The following DPF3 variants were observed in gnomAD, a reference collection of about 807,000 sequenced individuals.
DPF3 encodes the protein zinc finger protein DPF3.
A neutral mutation model predicts 56.8 loss-of-function variants in DPF3; 18 were observed. The observed-to-expected ratio is 0.32, with a 90% confidence interval of 0.22 to 0.47. The LOEUF (loss-of-function observed/expected upper bound fraction) is 0.47, where lower values mean the gene tolerates loss of function less well. Among genes scored for constraint, DPF3 ranks in the 20% least tolerant of loss-of-function variants. The probability of loss-of-function intolerance (pLI) is 1.00; values close to 1 mark genes in which losing one functional copy is unlikely to be tolerated. For missense variants in DPF3, 403 were observed against 488.8 expected (o/e 0.82, Z 1.65); for synonymous variants, 188 against 180.2 (o/e 1.04, Z -0.35).
intron 1 of DPF3, among the ~76,000 whole-genome samples, chr14:72,838,167 C>T (rs1393787764): frequency 1.3e-5 from 2 of 152,174 alleles, no homozygotes; most frequent in Admixed American, 6.5e-5. Flanking sequence ...ACAAAATGGG[C>T]CTGCTCCTGG....
chr14:72,831,363 C>A (rs1167973868), intron 1 of DPF3, among the ~76,000 whole-genome samples: 17 of 151,732 alleles, frequency 1.1e-4, no homozygotes, highest in Admixed American at 3.9e-4. Flanking sequence ...AAAAAAAAAA[C>A]AAAAAACACA....
intron 4 of DPF3, among the ~76,000 whole-genome samples, chr14:72,729,381 G>A (rs1889540761): frequency 6.6e-6 from 1 of 152,190 alleles, no homozygotes; most frequent in African/African-American, 2.4e-5. Context: ...GGCATGTTCT[G>A]GGAGGAACAG....
intron 8 of DPF3, among the ~76,000 whole-genome samples, chr14:72,649,847 C>A (rs902422794): frequency 2.2e-4 from 33 of 152,164 alleles, no homozygotes; most frequent in Non-Finnish European, 7.4e-5. Context: ...TCAAGACAAC[C>A]CAGCCAACTG....
At chr14:72,795,291 A>ATATATATATAT (rs1158510213) in intron 1 of DPF3, among the ~76,000 whole-genome samples, 20 of 122,406 alleles carry the variant, frequency 1.6e-4, no homozygotes, top group Non-Finnish European at 2.9e-4. Context: ...AAAAAAAAAA[A>ATATATATATAT]AAAAATATAT....
At chr14:72,633,543 C>A (rs1481859409) in intron 8 of DPF3, among the ~76,000 whole-genome samples, 1 of 151,974 alleles carries the variant, frequency 6.6e-6, no homozygotes, top group Admixed American at 6.6e-5. Flanking sequence ...GTCACAGTAA[C>A]CAAAAGAAGA....
rs1886792143 is a variant in DPF3, at chr14:72,892,482, T to C, written c.32+1575A>G. ...AACGGCAGCTTTCATATAAATATATTTGAAACCTGGGGCCTTCCTACCCCT... is the reference window on the plus strand; with the variant it reads ...AACGGCAGCTTTCATATAAATATATCTGAAACCTGGGGCCTTCCTACCCCT... On this transcript the variant is annotated intron_variant, in intron 1 of 10. Coordinates refer to ENST00000556509, the MANE Select transcript of DPF3 (RefSeq NM_001280542.3). 2.1e-6 allele frequency: 3 copies of C among 1,425,776 alleles called. No homozygotes were observed. The African/African-American group carries it at 4.3e-5, about 21-fold the overall frequency. 88.3% of individuals were successfully genotyped at this position (1,425,776 alleles called of 1,614,324 possible). A position where few individuals can be genotyped will look rare whatever the true frequency, so the allele number is the denominator to read the frequency against.
At chr14:72,637,526 A>G (rs922931455) in intron 8 of DPF3, among the ~76,000 whole-genome samples, 11 of 152,234 alleles carry the variant, frequency 7.2e-5, no homozygotes, top group Admixed American at 4.6e-4. Context: ...CTGGGGATAT[A>G]GCAGTGAGAA....
intron 6 of DPF3, among the ~76,000 whole-genome samples, chr14:72,703,755 C>T (rs1162071101): frequency 6.6e-6 from 1 of 152,142 alleles, no homozygotes; most frequent in African/African-American, 2.4e-5. Context: ...AGTTCATCTT[C>T]TTACAATGCT....
chr14:72,638,063 G>A (rs558582109), intron 8 of DPF3, among the ~76,000 whole-genome samples: 5 of 152,322 alleles, frequency 3.3e-5, no homozygotes, highest in Non-Finnish European at 5.9e-5. Flanking sequence ...AGGTTCCATC[G>A]ATGAGGAATA....
At chr14:72,890,188 T>C (rs1464605596) in intron 1 of DPF3, among the ~76,000 whole-genome samples, 1 of 152,108 alleles carries the variant, frequency 6.6e-6, no homozygotes, top group Non-Finnish European at 1.5e-5. Flanking sequence ...AAGATTCAAA[T>C]TTATATTAAA....
intron 1 of DPF3, among the ~76,000 whole-genome samples, chr14:72,796,625 A>G (rs1372967953): frequency 6.6e-6 from 1 of 152,240 alleles, no homozygotes; most frequent in East Asian, 1.9e-4. Context: ...TATGTCTCAG[A>G]CACTACAATA....
intron 8 of DPF3, chr14:72,673,946 C>T (rs1049884706): frequency 6.0e-6 from 2 of 334,580 alleles, no homozygotes; most frequent in East Asian, 1.2e-4. Flanking sequence ...GGTTTTTCCA[C>T]TCTACCTCGC....
chr14:72,806,092 T>C (rs890876628), intron 1 of DPF3: 1 of 152,158 alleles, frequency 6.6e-6, no homozygotes, highest in Non-Finnish European at 1.5e-5. Context: ...TCGAGACAAT[T>C]CCTTTAAATC....
Position 72,778,805 on chromosome 14 carries a change from T to A in DPF3, c.33-6912A>T, listed in dbSNP as rs141119123. 9.0e-3 allele frequency among the ~76,000 whole-genome samples: 1,366 copies of A among 152,322 alleles called. 15 individuals are homozygous for A. The highest frequency in any genetic ancestry group is 0.023 in the South Asian group (113 of 4,818). On this transcript the variant is annotated intron_variant, in intron 1 of 10. Transcript: ENST00000556509. ...GATTCCAATCCCCTTTCCTTCCACA[T>A]TTTTTCTTCTTCTAACAAAGACAAC...
intron 8 of DPF3, chr14:72,671,452 C>T (rs1365968116): frequency 7.1e-7 from 1 of 1,400,986 alleles, no homozygotes; most frequent in South Asian, 1.2e-5. Flanking sequence ...AAACCATTTG[C>T]ACACCAAAGG....
At position 72,617,214 on chromosome 14, in the gene DPF3, C is replaced by T. The variant is rs765182105; in HGVS notation, c.*2083G>A. Reference sequence around the variant, plus strand: ...GAAGAGGACGTGTGAAGTTGTAGAGCCACAGTTTGGGGTTTCGGACTTGCT... The same window carrying T: ...GAAGAGGACGTGTGAAGTTGTAGAGTCACAGTTTGGGGTTTCGGACTTGCT... On this transcript the variant is annotated 3_prime_UTR_variant, in exon 11 of 11. Transcript: ENST00000556509. Among the ~76,000 whole-genome samples, 35 of 152,202 alleles carry T rather than the reference C, an allele frequency of 2.3e-4. No homozygotes were observed. Among genetic ancestry groups the T allele is most frequent in the Non-Finnish European group, 4.4e-4 (30 of 68,034 alleles).
chr14:72,727,296 G>A (rs1402203641), intron 4 of DPF3, among the ~76,000 whole-genome samples: 3 of 152,268 alleles, frequency 2.0e-5, no homozygotes, highest in Non-Finnish European at 4.4e-5. Flanking sequence ...CCCTCAACTC[G>A]ACCAGATGCG....
In DPF3 at chr14:72,760,736, T is replaced by A. The variant is rs115382671; in HGVS notation, c.194-7365A>T. On this transcript the variant is annotated intron_variant, in intron 2 of 10. Transcript: ENST00000556509. ...AAACCAACAAAAAAGAGAGAAAACA[T>A]AATCACATTAAATGTAAATTGCCTA... Among the ~76,000 whole-genome samples, 1,064 of 152,114 alleles carry A rather than the reference T, an allele frequency of 7.0e-3. 11 individuals carry two copies. Among genetic ancestry groups the A allele is most frequent in the African/African-American group, 0.024 (987 of 41,498 alleles).
At chr14:72,863,555 T>TAA (rs76280301) in intron 1 of DPF3, among the ~76,000 whole-genome samples, 133 of 104,276 alleles carry the variant, frequency 1.3e-3, no homozygotes, top group African/African-American at 2.9e-3. Flanking sequence ...TGTAGGATTC[T>TAA]AAAAAAAAAA....
Sources: gnomAD v4.1 joint callset for allele counts (sites outside exome capture counted in the v4.1 genomes callset) on GRCh38, gnomAD v4.1.1 for gene constraint, MANE v1.5 for transcripts, NCBI Gene and HGNC (gene_info 2026-07-23, HGNC 2026-07-21) for gene names.